VDR: variants seen among roughly 807,000 people sequenced by gnomAD.
VDR encodes the protein vitamin D receptor.
A neutral mutation model predicts 39.7 loss-of-function variants in VDR; 19 were observed. The observed-to-expected ratio is 0.48, with a 90% CI of 0.33 to 0.70. VDR has a LOEUF of 0.70. VDR is among the 30% of genes least tolerant of loss of function. VDR has a pLI of 0.02. For synonymous variants in VDR, 242 were observed against 215.8 expected, an observed-to-expected ratio of 1.12 and a Z score of -1.07; for missense variants, 442 against 570.5, an observed-to-expected ratio of 0.77 and a Z score of 2.29.
rs17878969 is a variant in VDR at position 47,842,623 on chromosome 12, A to ATTTTTTTTTTTTTTTTTTTT, written c.*2103_*2122dup. 3 of 131,072 alleles carry ATTTTTTTTTTTTTTTTTTTT rather than the reference A, an allele frequency of 2.3e-5. No homozygotes were observed. The highest frequency in any genetic ancestry group is 3.1e-5 in the Non-Finnish European group (2 of 63,670). 8.1% of individuals were successfully genotyped at this position (131,072 alleles called of 1,614,324 possible). A position where few individuals can be genotyped will look rare whatever the true frequency, so the allele number is the denominator to read the frequency against. On this transcript the variant is annotated 3_prime_UTR_variant, in exon 10 of 10. Transcript: ENST00000549336. The stretch of plus-strand genomic sequence containing the variant: ...CAGGCTTGCGCCACCATGCCCGGCT[A>ATTTTTTTTTTTTTTTTTTTT]TTTTTTTTTTTTTTTTTTTTGTATT...
At chr12:47,900,021 T>G in intron 1 of VDR, 1 of 882,002 alleles carries the variant, frequency 1.1e-6, no homozygotes, top group Non-Finnish European at 1.4e-6. Flanking sequence ...CATTGGCCAA[T>G]GGGACAATCA....
chr12:47,902,205 C>T (rs1946576451), intron 1 of VDR, among the ~76,000 whole-genome samples: 1 of 152,208 alleles, frequency 6.6e-6, no homozygotes, highest in African/African-American at 2.4e-5. Flanking sequence ...CTTTCACTCT[C>T]AGAAGTATCC....
intron 1 of VDR, among the ~76,000 whole-genome samples, chr12:47,883,663 C>G (rs1472010286): frequency 6.6e-6 from 1 of 152,200 alleles, no homozygotes; most frequent in African/African-American, 2.4e-5. Flanking sequence ...TTCTTTCCTT[C>G]TCTGATGCCA....
intron 3 of VDR, among the ~76,000 whole-genome samples, chr12:47,878,052 G>C (rs1299175188): frequency 1.3e-5 from 2 of 152,160 alleles, no homozygotes; most frequent in Non-Finnish European, 2.9e-5. Flanking sequence ...CCAAGGCGAG[G>C]AGAGCACTCC....
In VDR at chr12:47,841,898, T is replaced by G. The variant is rs919326350; in HGVS notation, c.*2848A>C. 2 of 152,352 alleles carry G rather than the reference T, an allele frequency of 1.3e-5. No individual in the cohort carries two copies. Among genetic ancestry groups the G allele is most frequent in the African/African-American group, 4.8e-5 (2 of 41,452 alleles). 9.4% of individuals were successfully genotyped at this position (152,352 alleles called of 1,614,324 possible). ...CAGTTATAATGATATACCTTAAAAG[T>G]TTTACATTTACAAATGTCTATTTCA... On this transcript the variant is annotated 3_prime_UTR_variant, in exon 10 of 10. Coordinates refer to ENST00000549336, the MANE Select transcript of VDR (RefSeq NM_000376.3).
intron 4 of VDR, 82 bp downstream of exon 4, chr12:47,864,965 G>A: frequency 6.3e-7 from 1 of 1,598,082 alleles, no homozygotes; most frequent in Non-Finnish European, 8.5e-7. Flanking sequence ...CAGACCCTCT[G>A]CCCAAACTTG....
Position 47,873,351 on chromosome 12 carries a change from CTTTTTT to C in VDR, c.146+5611_146+5616del, listed in dbSNP as rs71077177. Among the ~76,000 whole-genome samples the C allele has an allele frequency of 1.4e-4, 14 of 98,452 alleles. No homozygotes were observed. In the East Asian group the frequency reaches 1.7e-3, roughly 12 times the overall value. The allele number at this position is 98,452 out of a possible 152,430, so 64.6% of individuals were successfully genotyped here. ...ACCATGAGTCAATTAAACCTGTTTT[CTTTTTT>C]TTTTTTTTTTTTTTTTTTTTTTTGA... On this transcript the variant is annotated intron_variant, in intron 3 of 9. Coordinates refer to ENST00000549336, the MANE Select transcript of VDR (RefSeq NM_000376.3).
At chr12:47,851,634 C>T (rs1291923617) in intron 7 of VDR, among the ~76,000 whole-genome samples, 1 of 152,228 alleles carries the variant, frequency 6.6e-6, no homozygotes, top group Non-Finnish European at 1.5e-5. Flanking sequence ...CAGAGAGCTA[C>T]TGGGCTGGCC....
chr12:47,897,473 T>C (rs935890454), intron 1 of VDR, among the ~76,000 whole-genome samples: 2 of 152,174 alleles, frequency 1.3e-5, no homozygotes, highest in African/African-American at 4.8e-5. Flanking sequence ...TGCCCGGAGC[T>C]GACAGGCACA....
At chr12:47,896,091 A>C (rs1247218820) in intron 1 of VDR, among the ~76,000 whole-genome samples, 1 of 152,242 alleles carries the variant, frequency 6.6e-6, no homozygotes, top group Non-Finnish European at 1.5e-5. Flanking sequence ...GCACTCTCTA[A>C]GCTTCTGCTT....
intron 1 of VDR, among the ~76,000 whole-genome samples, chr12:47,894,092 C>G (rs1946419600): frequency 6.6e-6 from 1 of 152,236 alleles, no homozygotes; most frequent in South Asian, 2.1e-4. Context: ...TCATCTCCCT[C>G]TTCTTTGTTT....
chr12:47,883,227 G>T (rs960817553), intron 1 of VDR, among the ~76,000 whole-genome samples: 1 of 152,144 alleles, frequency 6.6e-6, no homozygotes, highest in African/African-American at 2.4e-5. Flanking sequence ...GCGGGAAGAC[G>T]GCTGCCCCAG....
At chr12:47,857,754 G>T in intron 4 of VDR, 66 bp from the exon 5 acceptor site, 2 of 1,571,262 alleles carry the variant, frequency 1.3e-6, no homozygotes, top group Admixed American at 1.7e-5. Context: ...TTCCTCCTGC[G>T]GTTGGGGGTA....
rs752333820 is a variant in VDR at position 47,846,722 on chromosome 12, A to G, written c.842T>C (p.Met281Thr). The G allele has an allele frequency of 7.4e-6, 12 of 1,614,198 alleles. No individual in the cohort carries two copies. The highest frequency in any genetic ancestry group is 3.3e-4 in the Middle Eastern group (2 of 6,052). The change falls in exon 8 of 10, where the codon ATG becomes ACG. Residue 281 changes from methionine (M) to threonine (T), a missense_variant. Met to Thr is a moderately conservative substitution (Grantham distance 81, BLOSUM62 -1). Around this residue, in one of 5 missense-constraint regions of VDR, gnomAD observed 173 missense variants for 252.0 expected, o/e 0.69. Transcript: ENST00000549336. ...IMLRSNESFT[M>T]DDMSWTCGNQ... Reference sequence around the variant, plus strand: ...GCCACAGGTCCAGGACATGTCGTCCATGGTGAAGGACTCATTGGAGCGCAA... The same window carrying G: ...GCCACAGGTCCAGGACATGTCGTCCGTGGTGAAGGACTCATTGGAGCGCAA...
rs542916870 is a variant in VDR, at chr12:47,887,678, A to G, written c.-83-4904T>C. On this transcript the variant is annotated intron_variant, in intron 1 of 9. Coordinates refer to ENST00000549336, the MANE Select transcript of VDR (RefSeq NM_000376.3). ...AGTGTCTGTTCTATGGAAAGGGCCC[A>G]TGGAGCAGTGTGAGTGCTGGGTGTG... Among the ~76,000 whole-genome samples, 4 of 152,382 alleles carry G rather than the reference A, an allele frequency of 2.6e-5. 1 individual carries two copies. The highest frequency in any genetic ancestry group is 9.6e-5 in the African/African-American group (4 of 41,598).
chr12:47,897,737 A>G (rs1350765879), intron 1 of VDR, among the ~76,000 whole-genome samples: 1 of 152,118 alleles, frequency 6.6e-6, no homozygotes, highest in Non-Finnish European at 1.5e-5. Context: ...CTCCACTCCA[A>G]TCCTCCAGCT....
chr12:47,870,214 G>T (rs768227876), intron 3 of VDR, among the ~76,000 whole-genome samples: 14 of 152,158 alleles, frequency 9.2e-5, no homozygotes, highest in Non-Finnish European at 1.9e-4. Flanking sequence ...CCTTCCAAGG[G>T]CACTTCCACA....
chr12:47,904,604 G>C (rs1481891056), intron 1 of VDR: 2 of 1,535,262 alleles, frequency 1.3e-6, no homozygotes, highest in East Asian at 4.9e-5. Flanking sequence ...ACAGCCAATC[G>C]CTCCTTTTCT....
At chr12:47,900,378 G>C (rs975123339) in intron 1 of VDR, among the ~76,000 whole-genome samples, 6 of 152,218 alleles carry the variant, frequency 3.9e-5, no homozygotes, top group Non-Finnish European at 8.8e-5. Flanking sequence ...AGGGCACTAA[G>C]TGCCCTGTGG....
Sources: allele counts gnomAD v4.1 joint callset (sites outside exome capture counted in the v4.1 genomes callset), GRCh38; gene constraint gnomAD v4.1.1; regional missense constraint gnomAD v4.1.1; transcripts MANE v1.5; gene names NCBI Gene and HGNC (gene_info 2026-07-23, HGNC 2026-07-21).